DACH1: variants seen among roughly 807,000 people sequenced by gnomAD.
DACH1 encodes dachshund homolog 1.
DACH1 carries 12 observed loss-of-function variants against 54.2 expected under a neutral mutation model. That is an observed-to-expected ratio of 0.22 (90% CI 0.14 to 0.36). The LOEUF is 0.36. Among genes scored for constraint, DACH1 ranks in the 10% least tolerant of loss-of-function variants. The pLI is 1.00. For synonymous variants in DACH1, 386 were observed against 366.2 expected (o/e 1.05, Z -0.62); for missense variants, 805 against 929.8 (o/e 0.87, Z 1.75).
intron 3 of DACH1, among the ~76,000 whole-genome samples, chr13:71,627,707 C>T (rs1165809982): frequency 6.6e-6 from 1 of 152,052 alleles, no homozygotes; most frequent in Non-Finnish European, 1.5e-5. Context: ...AGACTGTATG[C>T]CCCTGAGTCC....
intron 2 of DACH1, among the ~76,000 whole-genome samples, chr13:71,670,703 A>G (rs1329758537): frequency 6.6e-6 from 1 of 152,084 alleles, no homozygotes; most frequent in African/African-American, 2.4e-5. Context: ...TTGAGCAAAG[A>G]AAGTTAGCAA....
chr13:71,737,460 A>G (rs1414289556), intron 1 of DACH1, among the ~76,000 whole-genome samples: 10 of 152,172 alleles, frequency 6.6e-5, no homozygotes, highest in African/African-American at 2.4e-4. Flanking sequence ...CAGAACATAC[A>G]ATATTTATGA....
At chr13:71,688,458 G>A (rs9542735) in intron 1 of DACH1, among the ~76,000 whole-genome samples, 5,691 of 152,128 alleles carry the variant, frequency 0.037, 139 homozygotes, top group Non-Finnish European at 0.055. Flanking sequence ...CCTATTGCTC[G>A]TAAAGCTTTG....
chr13:71,854,478 TCCCC>T (rs1873871972), intron 1 of DACH1, among the ~76,000 whole-genome samples: 1 of 152,060 alleles, frequency 6.6e-6, no homozygotes, highest in Non-Finnish European at 1.5e-5. Flanking sequence ...AAATAAAACT[TCCCC>T]TCTCCTTTCA....
intron 1 of DACH1, among the ~76,000 whole-genome samples, chr13:71,796,965 T>C (rs1260398650): frequency 6.6e-6 from 1 of 151,838 alleles, no homozygotes; most frequent in Admixed American, 6.6e-5. Context: ...TGGTAAGAAA[T>C]ATTAATATTA....
intron 1 of DACH1, among the ~76,000 whole-genome samples, chr13:71,738,231 T>TAGC (rs1403742139): frequency 6.6e-6 from 1 of 151,834 alleles, no homozygotes; most frequent in Non-Finnish European, 1.5e-5. Context: ...CAATAGAGAG[T>TAGC]AGCAAATCTC....
intron 5 of DACH1, among the ~76,000 whole-genome samples, chr13:71,557,812 G>A (rs1205569576): frequency 1.4e-5 from 2 of 145,680 alleles, no homozygotes; most frequent in Non-Finnish European, 3.0e-5. Context: ...TCCAAACTGA[G>A]GGACATTCTA....
In DACH1 at chr13:71,866,280, AGCTGCTGCTGCTACT is replaced by A. The variant is rs1401197998; in HGVS notation, c.475_489del (p.Ser159_Ser163del). 13 of 1,583,720 alleles carry A rather than the reference AGCTGCTGCTGCTACT, an allele frequency of 8.2e-6. No individual in the cohort carries two copies. The highest frequency in any genetic ancestry group is 2.7e-5 in the African/African-American group (2 of 74,104). ...ACGGGTTTCCCGGGGAGGGGGCCGC[AGCTGCTGCTGCTACT>A]GCTGCTGCTGCTACTACTGCTGCTG... On this transcript the variant is annotated inframe_deletion, in exon 1 of 11. Transcript: ENST00000613252.
chr13:71,591,705 T>C (rs977173535), intron 3 of DACH1, among the ~76,000 whole-genome samples: 1 of 152,132 alleles, frequency 6.6e-6, no homozygotes. Context: ...CTGGAAGTAT[T>C]TTGGGAACCC....
intron 6 of DACH1, among the ~76,000 whole-genome samples, chr13:71,543,909 G>A (rs1174525859): frequency 5.3e-5 from 8 of 152,116 alleles, no homozygotes; most frequent in South Asian, 2.1e-4. Context: ...CTCCTAGTAC[G>A]AGAGTGATTT....
At chr13:71,759,253 A>G (rs1885299956) in intron 1 of DACH1, among the ~76,000 whole-genome samples, 1 of 151,980 alleles carries the variant, frequency 6.6e-6, no homozygotes, top group African/African-American at 2.4e-5. Context: ...TGAAACCATC[A>G]TGACCTTAAA....
In DACH1 at chr13:71,440,695, AGAAAT is replaced by A. The variant is rs778675545; in HGVS notation, c.2084-8_2084-4del. 1.9e-6 allele frequency: 3 copies of A among 1,599,178 alleles called. No homozygotes were observed. Among genetic ancestry groups the A allele is most frequent in the Non-Finnish European group, 2.6e-6 (3 of 1,171,910 alleles). Reference sequence around the variant, plus strand: ...AGTTTTCAAATACAGTCTTCCATCTAGAAATGAACAGTGAAAAATTAATTAATGGC... The same window carrying A: ...AGTTTTCAAATACAGTCTTCCATCTAGAACAGTGAAAAATTAATTAATGGC... On this transcript the variant is annotated splice_polypyrimidine_tract_variant and splice_region_variant and intron_variant, in intron 10 of 10. Coordinates refer to ENST00000613252, the MANE Select transcript of DACH1 (RefSeq NM_080759.6).
chr13:71,556,385 G>C (rs748836821), intron 6 of DACH1, among the ~76,000 whole-genome samples: 2 of 152,010 alleles, frequency 1.3e-5, no homozygotes, highest in Non-Finnish European at 2.9e-5. Flanking sequence ...TTGAAAATAC[G>C]TATTTGCATC....
intron 3 of DACH1, among the ~76,000 whole-genome samples, chr13:71,627,933 C>A (rs1876783789): frequency 6.6e-6 from 1 of 151,954 alleles, no homozygotes; most frequent in Admixed American, 6.6e-5. Context: ...TTGAAGAAAT[C>A]ATAATAATAA....
chr13:71,789,850 TAAC>T lies in DACH1; in HGVS notation c.848+76069_848+76071del, dbSNP rs933102115. ...TTCTATTTGACTTAGTATTCATCTG[TAAC>T]AACAACAACAAAAAATGTGTTTCTC... On this transcript the variant is annotated intron_variant, in intron 1 of 10. Transcript: ENST00000613252. Among the ~76,000 whole-genome samples the T allele has an allele frequency of 4.6e-5, 7 of 152,134 alleles. No individual in the cohort carries two copies. In the South Asian group the frequency reaches 8.3e-4, roughly 18 times the overall value.
Position 71,866,826 on chromosome 13 carries a change from C to A in DACH1, c.-57G>T, listed in dbSNP as rs1288487274. On this transcript the variant is annotated 5_prime_UTR_variant, in exon 1 of 11. Coordinates refer to ENST00000613252, the MANE Select transcript of DACH1 (RefSeq NM_080759.6). ...AAGCGAGAGGAAAAGTTGCCACACA[C>A]CCCCGGGAGGGGAAGGGGAAAAAAG... 1.5e-5 allele frequency: 19 copies of A among 1,274,312 alleles called. No individual in the cohort carries two copies. The highest frequency in any genetic ancestry group is 1.7e-5 in the Non-Finnish European group (17 of 1,003,546). The allele number at this position is 1,274,312 out of a possible 1,614,324, so 78.9% of individuals were successfully genotyped here. A position where few individuals can be genotyped will look rare whatever the true frequency, so the allele number is the denominator to read the frequency against.
intron 10 of DACH1, among the ~76,000 whole-genome samples, chr13:71,463,023 G>A (rs1473925348): frequency 6.6e-6 from 1 of 151,876 alleles, no homozygotes; most frequent in African/African-American, 2.4e-5. Context: ...ATCAGTGTTA[G>A]AACAGGACTT....
intron 6 of DACH1, among the ~76,000 whole-genome samples, chr13:71,516,900 A>G (rs560823079): frequency 1.5e-5 from 2 of 136,336 alleles, no homozygotes; most frequent in South Asian, 5.1e-4. Flanking sequence ...ATATATACAT[A>G]TATATATGCA....
chr13:71,517,205 G>T (rs1192452356), intron 6 of DACH1, among the ~76,000 whole-genome samples: 1 of 151,728 alleles, frequency 6.6e-6, no homozygotes, highest in Non-Finnish European at 1.5e-5. Flanking sequence ...TTGGAATCCT[G>T]CCCTAACTAC....
Sources: allele counts gnomAD v4.1 joint callset (sites outside exome capture counted in the v4.1 genomes callset), GRCh38; gene constraint gnomAD v4.1.1; transcripts MANE v1.5; gene names NCBI Gene and HGNC (gene_info 2026-07-23, HGNC 2026-07-21).